RIN2: variants seen among roughly 807,000 people sequenced by gnomAD.
RIN2 encodes Ras and Rab interactor 2, also known as RAB5 interacting protein 2.
In RIN2, 36 loss-of-function variants were observed where a neutral mutation model predicts 78.0. The observed-to-expected ratio is 0.46, with a 90% CI of 0.35 to 0.61. The LOEUF (loss-of-function observed/expected upper bound fraction) is 0.61, where lower values mean the gene tolerates loss of function less well. Among genes scored for constraint, RIN2 ranks in the 20% least tolerant of loss-of-function variants. RIN2 has a pLI of 0.00. For missense variants in RIN2, 1,087 were observed against 1,159.7 expected (o/e 0.94, Z 0.91); for synonymous variants, 466 against 466.8 (o/e 1.00, Z 0.02).
intron 2 of RIN2, among the ~76,000 whole-genome samples, chr20:19,885,477 C>A (rs776299476): frequency 2.0e-5 from 3 of 151,946 alleles, no homozygotes; most frequent in Non-Finnish European, 4.4e-5. Context: ...ACCAGCCTGG[C>A]CAACATGGTA....
intron 1 of RIN2, among the ~76,000 whole-genome samples, chr20:19,781,931 G>A (rs370303657): frequency 4.6e-5 from 7 of 152,118 alleles, no homozygotes; most frequent in African/African-American, 9.7e-5. Context: ...ACCATGCATC[G>A]TCAAAGAATG....
At chr20:19,826,395 A>C (rs971172228) in intron 2 of RIN2, among the ~76,000 whole-genome samples, 3 of 152,216 alleles carry the variant, frequency 2.0e-5, no homozygotes, top group Non-Finnish European at 4.4e-5. Context: ...GTAACTAAGT[A>C]ACTGCTCAAA....
chr20:19,855,677 A>C (rs1401423097), intron 2 of RIN2, among the ~76,000 whole-genome samples: 1 of 152,210 alleles, frequency 6.6e-6, no homozygotes, highest in Non-Finnish European at 1.5e-5. Flanking sequence ...TAAGGAAGGA[A>C]TATGAGTCTT....
chr20:19,841,532 G>A (rs985340095), intron 2 of RIN2, among the ~76,000 whole-genome samples: 1 of 152,124 alleles, frequency 6.6e-6, no homozygotes, highest in African/African-American at 2.4e-5. Context: ...ATGTTTATTT[G>A]GGGGATGATC....
At chr20:19,879,800 GT>G (rs35980349) in intron 2 of RIN2, among the ~76,000 whole-genome samples, 6,294 of 152,248 alleles carry the variant, frequency 0.041, 398 homozygotes, top group African/African-American at 0.14. Context: ...TGATTGGCTA[GT>G]GGACTTGTAG....
At chr20:19,788,953 T>A (rs1476943448) in intron 1 of RIN2, among the ~76,000 whole-genome samples, 1 of 152,226 alleles carries the variant, frequency 6.6e-6, no homozygotes, top group East Asian at 1.9e-4. Flanking sequence ...AATTATAAAA[T>A]TCAAAGCCAT....
chr20:19,891,998 G>A (rs1305390960), intron 3 of RIN2, among the ~76,000 whole-genome samples: 2 of 152,206 alleles, frequency 1.3e-5, no homozygotes, highest in Non-Finnish European at 2.9e-5. Context: ...CAGTGGGACA[G>A]CAGTTAAGTC....
chr20:19,967,906 AT>A (rs1568675689), intron 7 of RIN2, among the ~76,000 whole-genome samples: 2 of 152,214 alleles, frequency 1.3e-5, no homozygotes, highest in African/African-American at 4.8e-5. Context: ...TGGCAACCCT[AT>A]AAATTAGGAT....
At chr20:19,946,900 G>A (rs530802287) in intron 4 of RIN2, among the ~76,000 whole-genome samples, 2 of 151,606 alleles carry the variant, frequency 1.3e-5, no homozygotes, top group South Asian at 2.1e-4. Context: ...ACGTGGTGGC[G>A]CACGCCTAAA....
chr20:19,970,921 T>A lies in RIN2; in HGVS notation c.620T>A (p.Met207Lys). The stretch of plus-strand genomic sequence containing the variant: ...GCTCAGCTTGAAGAACTGGCCCAGA[T>A]GGGACTAAGTAAGTGTGTGCCCCCT... ...SEAQLEELAQMGLNFWSSPAD... is the reference protein window; with the variant it reads ...SEAQLEELAQKGLNFWSSPAD... Residue 207 changes from methionine to lysine, a missense_variant, in exon 8 of 13, where the codon ATG (methionine) becomes AAG (lysine). By Grantham distance (95) the Met-to-Lys change is moderately conservative (BLOSUM62 -1). Transcript: ENST00000255006. The A allele has an allele frequency of 6.2e-7, 1 of 1,611,888 alleles. No homozygotes were observed. Among genetic ancestry groups the A allele is most frequent in the Non-Finnish European group, 8.5e-7 (1 of 1,178,882 alleles).
rs939626702 is a variant in RIN2, at chr20:19,975,646, C to A, written c.1621C>A (p.Gln541Lys). The stretch of plus-strand genomic sequence containing the variant: ...AGTGCAGGACTACGTGAGCTTCCTG[C>A]AGGAGAACAAGGAGTGCCACGTGTC... ...CLVQDYVSFLQENKECHVSST... is the reference protein window; with the variant it reads ...CLVQDYVSFLKENKECHVSST... The change falls in exon 9 of 13, where the codon CAG (glutamine) becomes AAG (lysine). Residue 541 changes from glutamine to lysine, a missense_variant. Gln to Lys is a moderately conservative substitution (Grantham distance 53). Transcript: ENST00000255006. This position sits in a 1 kb window ranked among gnomAD's most constrained non-coding sequence, Gnocchi z 4.9. The A allele has an allele frequency of 6.2e-6, 10 of 1,613,802 alleles. No individual in the cohort carries two copies. The highest frequency in any genetic ancestry group is 4.5e-5 in the East Asian group (2 of 44,848).
chr20:19,862,763 A>G lies in RIN2; in HGVS notation c.-36-26803A>G, dbSNP rs116018958. Among the ~76,000 whole-genome samples the G allele has an allele frequency of 5.2e-3, 787 of 152,356 alleles. 6 individuals are homozygous for G. Among genetic ancestry groups the G allele is most frequent in the African/African-American group, 0.018 (750 of 41,596 alleles). ...TCTTTGTAGACTATGAGTTCTTCAA[A>G]GTTAGAACCAGGGCTGGTCTTAGTC... On this transcript the variant is annotated intron_variant, in intron 2 of 12. Coordinates refer to ENST00000255006, the MANE Select transcript of RIN2 (RefSeq NM_018993.4).
At chr20:19,859,542 C>T (rs1183811872) in intron 2 of RIN2, among the ~76,000 whole-genome samples, 1 of 152,194 alleles carries the variant, frequency 6.6e-6, no homozygotes, top group African/African-American at 2.4e-5. Flanking sequence ...CTTTGAAGCA[C>T]TGGCACCATT....
chr20:19,966,969 G>A (rs2041961074), intron 7 of RIN2, among the ~76,000 whole-genome samples: 1 of 152,102 alleles, frequency 6.6e-6, no homozygotes, highest in African/African-American at 2.4e-5. Flanking sequence ...ACCTGGTATG[G>A]CCTAAAGCCA....
At chr20:19,807,050 CA>C (rs2122760670) in intron 2 of RIN2, among the ~76,000 whole-genome samples, 1 of 152,350 alleles carries the variant, frequency 6.6e-6, no homozygotes, top group African/African-American at 2.4e-5. Context: ...CAACACTTAG[CA>C]CACGCTAAGT....
At chr20:19,991,009 G>A (rs2042782833) in intron 10 of RIN2, among the ~76,000 whole-genome samples, 1 of 152,162 alleles carries the variant, frequency 6.6e-6, no homozygotes, top group Non-Finnish European at 1.5e-5. Flanking sequence ...ATGAATCCTG[G>A]ATAGTAATGG....
At chr20:19,795,658 A>G (rs912490058) in intron 1 of RIN2, among the ~76,000 whole-genome samples, 7 of 152,220 alleles carry the variant, frequency 4.6e-5, no homozygotes, top group African/African-American at 1.2e-4. Flanking sequence ...CCCCTTCTCT[A>G]TAAGACCAAA....
intron 2 of RIN2, among the ~76,000 whole-genome samples, chr20:19,861,936 C>G (rs1157704168): frequency 6.6e-6 from 1 of 151,430 alleles, no homozygotes; most frequent in African/African-American, 2.4e-5. Flanking sequence ...CCATCCATAT[C>G]TGATCATCTT....
At chr20:19,947,586 T>G (rs2146194010) in intron 4 of RIN2, among the ~76,000 whole-genome samples, 1 of 152,350 alleles carries the variant, frequency 6.6e-6, no homozygotes, top group African/African-American at 2.4e-5. Flanking sequence ...CACATGATAA[T>G]TAGCCCATTG....
Sources: gnomAD v4.1 joint callset for allele counts (sites outside exome capture counted in the v4.1 genomes callset) on GRCh38, gnomAD v4.1.1 for gene constraint, Gnocchi (gnomAD v3.1) non-coding constraint, MANE v1.5 for transcripts, NCBI Gene and HGNC (gene_info 2026-07-23, HGNC 2026-07-21) for gene names.